Variants in LIPC observed in about 807,000 individuals in gnomAD.
LIPC encodes lipase C, hepatic type, also known as hepatic triacylglycerol lipase.
LIPC carries 44 observed loss-of-function variants against 50.7 expected under a neutral mutation model. The ratio of observed to expected loss-of-function variants is 0.87; its 90% CI spans 0.68 to 1.11. LIPC has a LOEUF of 1.11. LIPC is among the 50% of genes most tolerant of loss of function. The pLI, the probability that LIPC is intolerant of heterozygous loss-of-function variation, is 0.00. For synonymous variants in LIPC, 271 were observed against 256.4 expected, an observed-to-expected ratio of 1.06 and a Z score of -0.54; for missense variants, 697 against 648.2, an observed-to-expected ratio of 1.08 and a Z score of -0.82.
At chr15:58,510,567 G>A (rs1179994165) in intron 1 of LIPC, among the ~76,000 whole-genome samples, 2 of 152,220 alleles carry the variant, frequency 1.3e-5, no homozygotes, top group African/African-American at 4.8e-5. Flanking sequence ...TGGTGCACAT[G>A]CAAGAGGATT....
At chr15:58,469,363 T>A (rs1203723237) in intron 1 of LIPC, among the ~76,000 whole-genome samples, 1 of 152,152 alleles carries the variant, frequency 6.6e-6, no homozygotes, top group Admixed American at 6.5e-5. Flanking sequence ...CTTGGCCCAC[T>A]TGGGTCTCAA....
chr15:58,484,987 A>G (rs1298818341), intron 1 of LIPC, among the ~76,000 whole-genome samples: 3 of 152,226 alleles, frequency 2.0e-5, no homozygotes, highest in Non-Finnish European at 4.4e-5. Context: ...AAGAAGGAAG[A>G]AAACAGCTCA....
At chr15:58,483,923 C>T (rs1485129426) in intron 1 of LIPC, among the ~76,000 whole-genome samples, 2 of 152,122 alleles carry the variant, frequency 1.3e-5, no homozygotes, top group East Asian at 1.9e-4. Flanking sequence ...CCCAGCCGTT[C>T]CAAATTACTT....
In LIPC at chr15:58,528,594, G is replaced by A. The variant is rs549050949; in HGVS notation, c.89-9739G>A. Among the ~76,000 whole-genome samples the A allele has an allele frequency of 2.2e-3, 337 of 152,038 alleles. 2 individuals are homozygous for A. The highest frequency in any genetic ancestry group is 4.2e-3 in the Admixed American group (64 of 15,268). ...CACAATCACTGCTCACTGCAGTCTC[G>A]ACCTCGCTCAGGTGATCCTCCCACC... is the stretch of plus-strand genomic sequence containing the variant. On this transcript the variant is annotated intron_variant, in intron 1 of 8. Transcript: ENST00000299022.
intron 6 of LIPC, among the ~76,000 whole-genome samples, chr15:58,558,896 G>A (rs1385056422): frequency 6.6e-6 from 1 of 152,196 alleles, no homozygotes; most frequent in East Asian, 1.9e-4. Flanking sequence ...TAAACATTTG[G>A]TGCTTCAGAG....
intron 6 of LIPC, among the ~76,000 whole-genome samples, chr15:58,558,887 A>G (rs1448366718): frequency 6.6e-6 from 1 of 152,240 alleles, no homozygotes; most frequent in Non-Finnish European, 1.5e-5. Context: ...GAACATAAAT[A>G]AACATTTGGT....
intron 1 of LIPC, among the ~76,000 whole-genome samples, chr15:58,433,227 A>G (rs1204715701): frequency 6.6e-6 from 1 of 152,216 alleles, no homozygotes; most frequent in Admixed American, 6.5e-5. Flanking sequence ...CCCTTGGTTC[A>G]TAGTGATTTT....
intron 1 of LIPC, among the ~76,000 whole-genome samples, chr15:58,501,280 T>C (rs1891975689): frequency 6.6e-6 from 1 of 151,654 alleles, no homozygotes; most frequent in Non-Finnish European, 1.5e-5. Flanking sequence ...TTAAGGTGGC[T>C]CAGCCTATGT....
At chr15:58,496,092 T>C (rs1488429089) in intron 1 of LIPC, among the ~76,000 whole-genome samples, 2 of 152,078 alleles carry the variant, frequency 1.3e-5, no homozygotes, top group East Asian at 3.8e-4. Flanking sequence ...CTATCACGAG[T>C]TGGATCTAGG....
intron 1 of LIPC, among the ~76,000 whole-genome samples, chr15:58,535,288 C>G (rs1465115806): frequency 1.3e-5 from 2 of 152,232 alleles, no homozygotes; most frequent in African/African-American, 4.8e-5. Flanking sequence ...CCAACTAGTA[C>G]CTAGCCAGGG....
At chr15:58,518,528 C>T (rs1435496946) in intron 1 of LIPC, among the ~76,000 whole-genome samples, 2 of 152,198 alleles carry the variant, frequency 1.3e-5, no homozygotes, top group African/African-American at 4.8e-5. Context: ...TGTGTTCTCG[C>T]TCCACTCCTT....
At chr15:58,565,356 C>A (rs1894329307) in intron 8 of LIPC, 1 of 1,526,976 alleles carries the variant, frequency 6.5e-7, no homozygotes, top group East Asian at 2.5e-5. Context: ...CCCTGACAAT[C>A]CCATGTGGCT....
At chr15:58,505,464 T>G (rs1228210818) in intron 1 of LIPC, among the ~76,000 whole-genome samples, 4 of 152,240 alleles carry the variant, frequency 2.6e-5, no homozygotes, top group Non-Finnish European at 4.4e-5. Context: ...GCTCAACAGC[T>G]GCTGTTGGTA....
chr15:58,545,313 G>C (rs1158232093), intron 4 of LIPC, among the ~76,000 whole-genome samples: 1 of 151,570 alleles, frequency 6.6e-6, no homozygotes, highest in African/African-American at 2.4e-5. Flanking sequence ...GTCATGATTC[G>C]CTGCTACCTC....
intron 1 of LIPC, among the ~76,000 whole-genome samples, chr15:58,493,210 C>A (rs1412755255): frequency 6.6e-6 from 1 of 152,134 alleles, no homozygotes; most frequent in Non-Finnish European, 1.5e-5. Context: ...AGGAAGCTCA[C>A]ATAACTAGCA....
At chr15:58,472,096 C>A (rs1329481376) in intron 1 of LIPC, among the ~76,000 whole-genome samples, 1 of 151,590 alleles carries the variant, frequency 6.6e-6, no homozygotes, top group Non-Finnish European at 1.5e-5. Flanking sequence ...ATCGTGAAAC[C>A]CCATCTCTAC....
chr15:58,493,189 T>TTCACATGATTAGGAAGC (rs1424306796), intron 1 of LIPC, among the ~76,000 whole-genome samples: 1 of 152,050 alleles, frequency 6.6e-6, no homozygotes, highest in Non-Finnish European at 1.5e-5. Flanking sequence ...CAAAATCAAC[T>TTCACATGATTAGGAAGC]TCACATGATT....
At chr15:58,542,798 C>A in intron 4 of LIPC, 147 bp downstream of exon 4, 1 of 648,266 alleles carries the variant, frequency 1.5e-6, no homozygotes. Flanking sequence ...GACATTCTTT[C>A]AAACATGACC....
intron 1 of LIPC, among the ~76,000 whole-genome samples, chr15:58,463,931 G>A (rs1894444497): frequency 6.6e-6 from 1 of 152,060 alleles, no homozygotes; most frequent in Admixed American, 6.5e-5. Flanking sequence ...AAAGCAAAAA[G>A]CCTTTTAACA....
Sources: allele counts gnomAD v4.1 joint callset (sites outside exome capture counted in the v4.1 genomes callset), GRCh38; gene constraint gnomAD v4.1.1; transcripts MANE v1.5; gene names NCBI Gene and HGNC (gene_info 2026-07-23, HGNC 2026-07-21).